The following PRDM16 variants were observed in gnomAD, a reference collection of about 807,000 sequenced individuals.
PRDM16 encodes the protein PR/SET domain 16.
A neutral mutation model predicts 110.6 loss-of-function variants in PRDM16; 23 were observed. That is an observed-to-expected ratio of 0.21 (90% CI 0.15 to 0.29). The LOEUF is 0.29. Ranked by LOEUF, PRDM16 falls within the 10% of genes least tolerant of loss-of-function variation. The pLI, the probability that PRDM16 is intolerant of heterozygous loss-of-function variation, is 1.00. For synonymous variants in PRDM16, 799 were observed against 781.8 expected (o/e 1.02, Z -0.37); for missense variants, 1,615 against 1,794.3 (o/e 0.90, Z 1.81).
chr1:3,412,475 G>A lies in PRDM16; in HGVS notation c.2278G>A (p.Asp760Asn). ...LVKAEPKSPR[D>N]ALKVGGPSAE... ...CAAGGCCGAGCCAAAGTCACCCCGG[G>A]ACGCCCTCAAGGTGGGCGGCCCCAG... Residue 760 changes from aspartate to asparagine, a missense_variant, in exon 9 of 17, where the codon GAC (aspartate) becomes AAC (asparagine). Transcript: ENST00000270722. 3.1e-6 allele frequency: 5 copies of A among 1,613,416 alleles called. No individual in the cohort carries two copies. The highest frequency in any genetic ancestry group is 4.2e-6 in the Non-Finnish European group (5 of 1,180,012).
chr1:3,407,723 C>T (rs548387191), intron 8 of PRDM16, among the ~76,000 whole-genome samples: 6 of 152,246 alleles, frequency 3.9e-5, no homozygotes, highest in Non-Finnish European at 7.3e-5. Context: ...GATGTGCATT[C>T]CAAGAGCTGC....
intron 3 of PRDM16, among the ~76,000 whole-genome samples, chr1:3,356,660 G>T (rs771351978): frequency 3.9e-5 from 6 of 152,188 alleles, no homozygotes; most frequent in African/African-American, 1.4e-4. Flanking sequence ...CCCCAGAGCG[G>T]CCCCAGGAGG....
At chr1:3,126,954 G>A (rs886940267) in intron 1 of PRDM16, among the ~76,000 whole-genome samples, 4 of 152,192 alleles carry the variant, frequency 2.6e-5, no homozygotes, top group African/African-American at 9.6e-5. Flanking sequence ...GAGGCCCCTC[G>A]AGCCTGGGAG....
At chr1:3,146,026 G>A (rs1032430899) in intron 1 of PRDM16, among the ~76,000 whole-genome samples, 1 of 152,206 alleles carries the variant, frequency 6.6e-6, no homozygotes, top group Non-Finnish European at 1.5e-5. Context: ...GCCCCGTTAG[G>A]GACGCAATGA....
intron 1 of PRDM16, among the ~76,000 whole-genome samples, chr1:3,084,380 A>G (rs1214165558): frequency 6.6e-6 from 1 of 152,156 alleles, no homozygotes; most frequent in Non-Finnish European, 1.5e-5. Flanking sequence ...CACAGTGCTG[A>G]TGGGGCCGAA....
chr1:3,437,748 G>A lies in PRDM16; in HGVS notation c.*3937G>A, dbSNP rs866271909. On this transcript the variant is annotated 3_prime_UTR_variant, in exon 17 of 17. Coordinates refer to ENST00000270722, the MANE Select transcript of PRDM16 (RefSeq NM_022114.4). The stretch of plus-strand genomic sequence containing the variant: ...TCACTGATCCGTATTACCACTTTTG[G>A]AAAAAAATAAATAAATAAATAAATA... The A allele has an allele frequency of 1.8e-5, 4 of 219,192 alleles. No individual in the cohort carries two copies. The South Asian group carries it at 5.6e-4, about 30-fold the overall frequency. 13.6% of individuals were successfully genotyped at this position (219,192 alleles called of 1,614,324 possible).
At chr1:3,324,560 G>A (rs1428291210) in intron 3 of PRDM16, among the ~76,000 whole-genome samples, 2 of 152,142 alleles carry the variant, frequency 1.3e-5, no homozygotes, top group Non-Finnish European at 2.9e-5. Flanking sequence ...AGGTTCCCCT[G>A]TGACAACATC....
intron 1 of PRDM16, among the ~76,000 whole-genome samples, chr1:3,102,946 G>A (rs892590285): frequency 3.3e-5 from 5 of 152,218 alleles, no homozygotes; most frequent in Non-Finnish European, 7.3e-5. Flanking sequence ...GAGTCTGAAT[G>A]TATCATTTCC....
In PRDM16 at chr1:3,175,125, A is replaced by G. The variant is rs999728786; in HGVS notation, c.38-11000A>G. ...TGTTCTTGTCTCAAAGCCAAGATCC[A>G]GGGCGAGGGGAGAAGCTATTGCCTT... On this transcript the variant is annotated intron_variant, in intron 1 of 16. Transcript: ENST00000270722. This position sits in a 1 kb window ranked among gnomAD's most constrained non-coding sequence, Gnocchi z 4.8. Among the ~76,000 whole-genome samples the G allele has an allele frequency of 6.6e-6, 1 of 152,152 alleles. No individual in the cohort carries two copies. The highest frequency in any genetic ancestry group is 2.4e-5 in the African/African-American group (1 of 41,420).
intron 1 of PRDM16, among the ~76,000 whole-genome samples, chr1:3,103,305 T>A (rs995251497): frequency 4.6e-5 from 7 of 152,352 alleles, no homozygotes; most frequent in African/African-American, 1.7e-4. Context: ...TGTCTTCACA[T>A]GGTCATCCCT....
chr1:3,397,547 G>A (rs530888450), intron 5 of PRDM16, among the ~76,000 whole-genome samples: 4 of 152,246 alleles, frequency 2.6e-5, no homozygotes, highest in African/African-American at 7.2e-5. Flanking sequence ...TCGGCTCCAC[G>A]CCGGTCCCTC....
At chr1:3,388,922 A>G (rs1364296283) in intron 4 of PRDM16, among the ~76,000 whole-genome samples, 1 of 152,188 alleles carries the variant, frequency 6.6e-6, no homozygotes, top group Non-Finnish European at 1.5e-5. Flanking sequence ...GGTTCCATGC[A>G]GTGTACTGGC....
intron 3 of PRDM16, among the ~76,000 whole-genome samples, chr1:3,328,185 C>T (rs1641959609): frequency 6.6e-6 from 1 of 152,248 alleles, no homozygotes; most frequent in Admixed American, 6.5e-5. Flanking sequence ...TGTCCCCAGG[C>T]ACCACAGCCC....
chr1:3,183,344 C>T (rs1644232225), intron 1 of PRDM16, among the ~76,000 whole-genome samples: 1 of 152,216 alleles, frequency 6.6e-6, no homozygotes, highest in Non-Finnish European at 1.5e-5. Context: ...TTCCGGGGAC[C>T]CCAGAGAGCG....
chr1:3,293,225 G>A (rs974179824), intron 3 of PRDM16, among the ~76,000 whole-genome samples: 2 of 152,224 alleles, frequency 1.3e-5, no homozygotes, highest in Admixed American at 6.5e-5. Context: ...TCCTAAGTCG[G>A]GGCGAGGGGG....
At chr1:3,168,328 G>A (rs951512434) in intron 1 of PRDM16, among the ~76,000 whole-genome samples, 1 of 86,284 alleles carries the variant, frequency 1.2e-5, no homozygotes, top group Admixed American at 1.5e-4. Flanking sequence ...CTGTGGCATC[G>A]CCCCCGTTCC....
chr1:3,276,201 C>T (rs1640578567), intron 3 of PRDM16, among the ~76,000 whole-genome samples: 1 of 152,236 alleles, frequency 6.6e-6, no homozygotes, highest in Non-Finnish European at 1.5e-5. Context: ...ACTAAAATGT[C>T]CTTGTGCGGG....
At chr1:3,095,072 C>T (rs1240607085) in intron 1 of PRDM16, among the ~76,000 whole-genome samples, 2 of 152,228 alleles carry the variant, frequency 1.3e-5, no homozygotes, top group African/African-American at 4.8e-5. Context: ...CCAGGCTTGT[C>T]CTGACGGGGC....
At chr1:3,431,870 T>A in intron 15 of PRDM16, 96 bp from the exon 16 acceptor site, 1 of 1,246,304 alleles carries the variant, frequency 8.0e-7, no homozygotes, top group Non-Finnish European at 1.1e-6. Flanking sequence ...TGCAGCGGCG[T>A]GCATGCAGGC....
Sources: gnomAD v4.1 joint callset for allele counts (sites outside exome capture counted in the v4.1 genomes callset) on GRCh38, gnomAD v4.1.1 for gene constraint, Gnocchi (gnomAD v3.1) non-coding constraint, MANE v1.5 for transcripts, NCBI Gene and HGNC (gene_info 2026-07-23, HGNC 2026-07-21) for gene names.